The following KBTBD2 variants were observed in gnomAD, a reference collection of about 807,000 sequenced individuals.
KBTBD2 encodes the protein kelch repeat and BTB domain-containing protein 2.
In KBTBD2, 17 loss-of-function variants were observed where a neutral mutation model predicts 57.1. The ratio of observed to expected loss-of-function variants is 0.30; its 90% confidence interval spans 0.20 to 0.45. The LOEUF (loss-of-function observed/expected upper bound fraction) is 0.45. Among genes scored for constraint, KBTBD2 ranks in the 20% least tolerant of loss-of-function variants. KBTBD2 has a pLI of 1.00. For missense variants in KBTBD2, 515 were observed against 750.6 expected (o/e 0.69, Z 3.67); for synonymous variants, 267 against 262.7 (o/e 1.02, Z -0.16).
intron 2 of KBTBD2, among the ~76,000 whole-genome samples, chr7:32,878,293 A>G (rs1784363130): frequency 1.3e-5 from 2 of 152,094 alleles, no homozygotes; most frequent in Non-Finnish European, 2.9e-5. Flanking sequence ...AAAGAACAGC[A>G]GAACAGGCGG....
chr7:32,869,083 T>A lies in KBTBD2; in HGVS notation c.*262A>T. The stretch of plus-strand genomic sequence containing the variant: ...CATACACAGGGCTAACAATGTTAGA[T>A]AATCCAGATTCTTATACTCTCATGA... On this transcript the variant is annotated 3_prime_UTR_variant, in exon 4 of 4. Coordinates refer to ENST00000304056, the MANE Select transcript of KBTBD2 (RefSeq NM_015483.3). 1 of 347,714 alleles carries A rather than the reference T, an allele frequency of 2.9e-6. No homozygotes were observed. Among genetic ancestry groups the A allele is most frequent in the Non-Finnish European group, 5.2e-6 (1 of 191,748 alleles). The allele number at this position is 347,714 out of a possible 1,614,324, so 21.5% of individuals were successfully genotyped here. A position where few individuals can be genotyped will look rare whatever the true frequency, so the allele number is the denominator to read the frequency against.
chr7:32,875,068 GTTA>G lies in KBTBD2; in HGVS notation c.257_259del (p.Ile86del), dbSNP rs1231824770. ...TGCCAAGTTACCCGTGTATGCATAA[GTTA>G]TTATTATCTGTAAGGTGGCAGCATC... On this transcript the variant is annotated inframe_deletion, in exon 3 of 4. Coordinates refer to ENST00000304056, the MANE Select transcript of KBTBD2 (RefSeq NM_015483.3). 1.2e-6 allele frequency: 2 copies of G among 1,614,172 alleles called. No individual in the cohort carries two copies. The highest frequency in any genetic ancestry group is 8.5e-7 in the Non-Finnish European group (1 of 1,179,984).
intron 1 of KBTBD2, among the ~76,000 whole-genome samples, chr7:32,887,838 TCA>T (rs537013088): frequency 2.0e-4 from 30 of 152,380 alleles, no homozygotes; most frequent in Admixed American, 2.0e-3. Flanking sequence ...TCTCTATGCC[TCA>T]GTTTGCTCAT....
rs377126380 is a variant in KBTBD2, at chr7:32,870,730, C to T, written c.487G>A (p.Val163Met). 1.9e-5 allele frequency: 30 copies of T among 1,614,232 alleles called. No individual in the cohort carries two copies. In the Admixed American group the frequency reaches 2.5e-4, roughly 13 times the overall value. ...KRMVEHKFTA[V>M]YHQDAFMQLS... ...TGCATGAACGCGTCCTGATGATACA[C>T]AGCAGTGAACTTGTGCTCCACCATT... is the stretch of plus-strand genomic sequence containing the variant. The change falls in exon 4 of 4, where the codon GTG (valine) becomes ATG (methionine). Residue 163 changes from valine to methionine, a missense_variant. By Grantham distance (21) the Val-to-Met change is conservative. Transcript: ENST00000304056.
At chr7:32,871,341 G>T (rs900353000) in intron 3 of KBTBD2, among the ~76,000 whole-genome samples, 1 of 152,172 alleles carries the variant, frequency 6.6e-6, no homozygotes, top group African/African-American at 2.4e-5. Flanking sequence ...TGCACAATGA[G>T]TAAGAGTAGT....
Position 32,879,648 on chromosome 7 carries a change from C to T in KBTBD2, c.-44G>A, listed in dbSNP as rs969078294. On this transcript the variant is annotated 5_prime_UTR_variant, in exon 2 of 4. Coordinates refer to ENST00000304056, the MANE Select transcript of KBTBD2 (RefSeq NM_015483.3). ...TCTCCAGGAACAGATTAGAAAAGTC[C>T]GTCTTACTGATGGAAGGTCAAGTGA... The T allele has an allele frequency of 2.6e-6, 4 of 1,532,920 alleles. No individual in the cohort carries two copies. The highest frequency in any genetic ancestry group is 4.5e-5 in the East Asian group (2 of 44,204). 95.0% of individuals were successfully genotyped at this position (1,532,920 alleles called of 1,614,324 possible). A position where few individuals can be genotyped will look rare whatever the true frequency, so the allele number is the denominator to read the frequency against.
intron 2 of KBTBD2, among the ~76,000 whole-genome samples, chr7:32,875,688 A>C (rs565072464): frequency 2.6e-5 from 4 of 152,212 alleles, no homozygotes; most frequent in Non-Finnish European, 5.9e-5. Context: ...TCTTATATTC[A>C]TACCATGAAA....
intron 1 of KBTBD2, among the ~76,000 whole-genome samples, chr7:32,881,520 C>T (rs1310619825): frequency 1.3e-5 from 2 of 152,022 alleles, no homozygotes; most frequent in Admixed American, 6.5e-5. Context: ...GAATGACATA[C>T]ACTTCCTGAC....
intron 1 of KBTBD2, among the ~76,000 whole-genome samples, chr7:32,889,722 CAT>C (rs1455694469): frequency 1.3e-5 from 2 of 152,204 alleles, no homozygotes; most frequent in Non-Finnish European, 2.9e-5. Flanking sequence ...AATTTTCACT[CAT>C]ATTTTATGAC....
chr7:32,870,110 G>A lies in KBTBD2; in HGVS notation c.1107C>T (p.Val369=). The A allele has an allele frequency of 1.9e-6, 3 of 1,614,152 alleles. No individual in the cohort carries two copies. Among genetic ancestry groups the A allele is most frequent in the Non-Finnish European group, 1.7e-6 (2 of 1,180,014 alleles). Residue 369 remains valine, a synonymous_variant, in exon 4 of 4, where the codon GTC becomes GTT. Coordinates refer to ENST00000304056, the MANE Select transcript of KBTBD2 (RefSeq NM_015483.3). ...AGCAAACCAAAGATGGCTTTATGCG[G>A]ACAAAAAGCATTGGGGTCTTTGGAA... ...TWFPKTPMLF[V]RIKPSLVCCE...
chr7:32,874,131 G>A (rs564176349), intron 3 of KBTBD2, among the ~76,000 whole-genome samples: 3 of 152,072 alleles, frequency 2.0e-5, no homozygotes, highest in Non-Finnish European at 2.9e-5. Flanking sequence ...AGGGAGTGGT[G>A]GCTCATGCCT....
At chr7:32,891,027 T>A (rs558467387) in intron 1 of KBTBD2, 1 of 152,322 alleles carries the variant, frequency 6.6e-6, no homozygotes, top group Admixed American at 6.5e-5. Context: ...TAAGTCGATA[T>A]AGACCATAAC....
Position 32,874,988 on chromosome 7 carries a change from T to A in KBTBD2, c.336+4A>T. 1 of 1,613,458 alleles carries A rather than the reference T, an allele frequency of 6.2e-7. No individual in the cohort carries two copies. Among genetic ancestry groups the A allele is most frequent in the African/African-American group, 1.3e-5 (1 of 75,042 alleles). ...TCCGTCTAAAAAAATATATATATGC[T>A]TACCTGTAGGAAGCAAGCTGTTTCA... is the stretch of plus-strand genomic sequence containing the variant. On this transcript the variant is annotated splice_donor_region_variant and intron_variant, in intron 3 of 3. Coordinates refer to ENST00000304056, the MANE Select transcript of KBTBD2 (RefSeq NM_015483.3).
chr7:32,890,954 G>T (rs931701118), intron 1 of KBTBD2: 1 of 152,364 alleles, frequency 6.6e-6, no homozygotes, highest in East Asian at 1.9e-4. Flanking sequence ...GGAAGTTAAA[G>T]ATTTCACAAA....
chr7:32,877,435 C>T (rs1472393094), intron 2 of KBTBD2, among the ~76,000 whole-genome samples: 1 of 152,124 alleles, frequency 6.6e-6, no homozygotes, highest in East Asian at 1.9e-4. Context: ...ATAAATGTTA[C>T]CAAGAAATAT....
At chr7:32,884,922 G>A (rs1160853494) in intron 1 of KBTBD2, among the ~76,000 whole-genome samples, 2 of 147,856 alleles carry the variant, frequency 1.4e-5, no homozygotes, top group African/African-American at 5.1e-5. Flanking sequence ...ACCAAACGCT[G>A]CTTTATTTTT....
At chr7:32,871,032 G>A in intron 3 of KBTBD2, 152 bp from the exon 4 acceptor site, 1 of 559,898 alleles carries the variant, frequency 1.8e-6, no homozygotes. Flanking sequence ...TCTTCTGGTA[G>A]TAATAAACTC....
chr7:32,872,866 C>T (rs73316961), intron 3 of KBTBD2, among the ~76,000 whole-genome samples: 1 of 152,108 alleles, frequency 6.6e-6, no homozygotes, highest in Non-Finnish European at 1.5e-5. Context: ...CTGAAACTGG[C>T]TGAACTGGAT....
intron 1 of KBTBD2, among the ~76,000 whole-genome samples, chr7:32,884,236 G>A (rs1784512099): frequency 6.6e-6 from 1 of 152,120 alleles, no homozygotes; most frequent in African/African-American, 2.4e-5. Context: ...CTTTTGGCCA[G>A]CTGTGCTGGC....
Sources: allele counts gnomAD v4.1 joint callset (sites outside exome capture counted in the v4.1 genomes callset), GRCh38; gene constraint gnomAD v4.1.1; transcripts MANE v1.5; gene names NCBI Gene and HGNC (gene_info 2026-07-23, HGNC 2026-07-21).